The following HAPSTR1 variants were observed in gnomAD, a reference collection of about 807,000 sequenced individuals.
HAPSTR1 encodes the protein HUWE1 associated protein modifying stress responses.
At chr16:9,101,176 C>T in the HAPSTR1 span, among the ~76,000 whole-genome samples, 2 of 152,310 alleles carry the variant, frequency 1.3e-5, no homozygotes, top group Middle Eastern at 3.4e-3. Context: ...TTAGGTACAG[C>T]ACTACAAGGT....
the HAPSTR1 span, chr16:9,121,393 G>A: frequency 1.3e-5 from 2 of 152,218 alleles, no homozygotes; most frequent in East Asian, 1.9e-4. Context: ...AAGTAAGAGC[G>A]CCTGTTCCCT....
the HAPSTR1 span, among the ~76,000 whole-genome samples, chr16:9,097,606 AG>A: frequency 6.6e-6 from 1 of 152,206 alleles, no homozygotes; most frequent in Non-Finnish European, 1.5e-5. Context: ...GGCTGGCTTT[AG>A]CTGTATGGCC....
At chr16:9,111,211 T>G in the HAPSTR1 span, 1 of 152,262 alleles carries the variant, frequency 6.6e-6, no homozygotes. Flanking sequence ...CAGTAGATTC[T>G]TAAGGAATGC....
At chr16:9,106,046 A>G in the HAPSTR1 span, 1 of 152,196 alleles carries the variant, frequency 6.6e-6, no homozygotes, top group Admixed American at 6.5e-5. Context: ...TGAGATCCCC[A>G]GTCATTGCCC....
At chr16:9,121,193 A>G in the HAPSTR1 span, 1 of 152,238 alleles carries the variant, frequency 6.6e-6, no homozygotes, top group Non-Finnish European at 1.5e-5. Flanking sequence ...ACCTTAAGTG[A>G]TCTGCCCGCC....
At chr16:9,114,495 A>G in the HAPSTR1 span, among the ~76,000 whole-genome samples, 2 of 152,140 alleles carry the variant, frequency 1.3e-5, no homozygotes, top group Non-Finnish European at 2.9e-5. Flanking sequence ...ATGTTGGGAG[A>G]GACAGACATT....
At chr16:9,100,138 T>C in the HAPSTR1 span, among the ~76,000 whole-genome samples, 1 of 152,248 alleles carries the variant, frequency 6.6e-6, no homozygotes, top group East Asian at 1.9e-4. Flanking sequence ...GTTTGCAAAA[T>C]GCATGACTTC....
At chr16:9,092,397 GC>G in the HAPSTR1 span, 1 of 853,134 alleles carries the variant, frequency 1.2e-6, no homozygotes, top group African/African-American at 1.8e-5. Flanking sequence ...CCGGCCGGTG[GC>G]TCCGCGGCCC....
chr16:9,120,111 G>A, the HAPSTR1 span: 3 of 152,178 alleles, frequency 2.0e-5, no homozygotes, highest in Admixed American at 2.0e-4. Flanking sequence ...GTTGTAACCT[G>A]GTGCTTCATT....
the HAPSTR1 span, among the ~76,000 whole-genome samples, chr16:9,100,921 G>C: frequency 0.011 from 1,613 of 152,174 alleles, 29 homozygotes; most frequent in African/African-American, 0.037. Context: ...CTCTGTTTCT[G>C]CAGGGCTGGG....
chr16:9,095,071 C>G, the HAPSTR1 span, among the ~76,000 whole-genome samples: 1 of 152,228 alleles, frequency 6.6e-6, no homozygotes, highest in Non-Finnish European at 1.5e-5. Context: ...GAAAACATCA[C>G]ATATGATTCT....
At chr16:9,097,240 C>CTTTT in the HAPSTR1 span, among the ~76,000 whole-genome samples, 9 of 140,800 alleles carry the variant, frequency 6.4e-5, no homozygotes, top group Non-Finnish European at 4.6e-5. Context: ...GCGCCTGGCT[C>CTTTT]TTTTTTTTTT....
chr16:9,117,119 G>A, the HAPSTR1 span: 94 of 668,228 alleles, frequency 1.4e-4, no homozygotes, highest in Admixed American at 7.8e-4. Context: ...TATAATCCTA[G>A]CAGAGGACAT....
At chr16:9,104,879 GTC>G in the HAPSTR1 span, 1 of 152,204 alleles carries the variant, frequency 6.6e-6, no homozygotes, top group Admixed American at 6.5e-5. Context: ...TGATGCAGTT[GTC>G]TCTCCTTAAG....
At chr16:9,111,782 A>C in the HAPSTR1 span, 1 of 152,228 alleles carries the variant, frequency 6.6e-6, no homozygotes, top group African/African-American at 2.4e-5. Context: ...TAAAAAATTA[A>C]TATCTTGTTA....
the HAPSTR1 span, chr16:9,091,864 G>C: frequency 1.7e-4 from 73 of 436,090 alleles, no homozygotes; most frequent in Non-Finnish European, 2.4e-4. Context: ...CTGGTTGCAC[G>C]GGGCCGCGGG....
the HAPSTR1 span, among the ~76,000 whole-genome samples, chr16:9,093,172 G>A: frequency 1.4e-4 from 22 of 152,040 alleles, no homozygotes; most frequent in African/African-American, 5.3e-4. Context: ...AGGCGATTTT[G>A]ACACCTCCCT....
chr16:9,094,859 G>T, the HAPSTR1 span, among the ~76,000 whole-genome samples: 1 of 152,174 alleles, frequency 6.6e-6, no homozygotes, highest in Non-Finnish European at 1.5e-5. Context: ...CTCTGGCTTT[G>T]GTCCTGTTGG....
the HAPSTR1 span, among the ~76,000 whole-genome samples, chr16:9,094,551 G>C: frequency 6.6e-6 from 1 of 151,956 alleles, no homozygotes; most frequent in Admixed American, 6.6e-5. Context: ...GGCAGTCACT[G>C]ATTTGATTGC....
Sources: allele counts gnomAD v4.1 joint callset (sites outside exome capture counted in the v4.1 genomes callset), GRCh38; gene constraint gnomAD v4.1.1; transcripts MANE v1.5; gene names NCBI Gene and HGNC (gene_info 2026-07-23, HGNC 2026-07-21).